The following AMBRA1 variants were observed in gnomAD, a reference collection of about 807,000 sequenced individuals.
The protein encoded by AMBRA1 is autophagy and beclin 1 regulator 1, also known as activating molecule in BECN1-regulated autophagy protein 1.
Under a neutral mutation model 125.4 loss-of-function variants are expected in AMBRA1, and 47 were observed. The ratio of observed to expected loss-of-function variants is 0.37; its 90% CI spans 0.30 to 0.48. The LOEUF (loss-of-function observed/expected upper bound fraction) is 0.48, where lower values mean the gene tolerates loss of function less well. Among genes scored for constraint, AMBRA1 ranks in the 20% least tolerant of loss-of-function variants. The probability of loss-of-function intolerance (pLI) is 0.99; values close to 1 mark genes in which losing one functional copy is unlikely to be tolerated. For missense variants in AMBRA1, 1,331 were observed against 1,693.4 expected (o/e 0.79, Z 3.76); for synonymous variants, 626 against 655.5 (o/e 0.95, Z 0.69).
At chr11:46,433,067 C>A (rs571880740) in intron 14 of AMBRA1, among the ~76,000 whole-genome samples, 22 of 152,200 alleles carry the variant, frequency 1.4e-4, no homozygotes, top group Admixed American at 4.6e-4. Flanking sequence ...TAATTATAAC[C>A]CACAGAAAAA....
intron 1 of AMBRA1, 82 bp downstream of exon 1, chr11:46,593,746 C>A (rs899332465): frequency 2.6e-5 from 10 of 387,510 alleles, no homozygotes; most frequent in Non-Finnish European, 4.6e-5. Flanking sequence ...GGCCAGCCTG[C>A]CCACCCGCCG....
At chr11:46,454,461 T>C (rs1381692001) in intron 11 of AMBRA1, among the ~76,000 whole-genome samples, 11 of 149,230 alleles carry the variant, frequency 7.4e-5, no homozygotes, top group Non-Finnish European at 1.6e-4. Context: ...ATTGGCCAGG[T>C]GCGGTGGCTC....
chr11:46,470,353 C>T (rs2136876902), intron 11 of AMBRA1, among the ~76,000 whole-genome samples: 1 of 152,204 alleles, frequency 6.6e-6, no homozygotes, highest in East Asian at 1.9e-4. Context: ...CTTTGGGAGT[C>T]CGAGACGGGC....
At chr11:46,499,075 T>C (rs918460779) in intron 9 of AMBRA1, among the ~76,000 whole-genome samples, 1 of 152,198 alleles carries the variant, frequency 6.6e-6, no homozygotes, top group Non-Finnish European at 1.5e-5. Context: ...TCATAGGGAA[T>C]AGCTAATAGC....
intron 11 of AMBRA1, among the ~76,000 whole-genome samples, chr11:46,466,181 T>G (rs1332304931): frequency 2.0e-5 from 3 of 152,140 alleles, no homozygotes; most frequent in South Asian, 4.1e-4. Flanking sequence ...AGGACTTCCA[T>G]CAAAAGCATT....
intron 6 of AMBRA1, 118 bp downstream of exon 6, chr11:46,543,857 G>T: frequency 1.2e-6 from 1 of 854,382 alleles, no homozygotes; most frequent in Non-Finnish European, 1.9e-6. Flanking sequence ...TTTAAATCTT[G>T]ACTGGAAAGA....
At position 46,396,874 on chromosome 11, in the gene AMBRA1, T is replaced by A. The variant is rs117100314; in HGVS notation, c.*576A>T. The A allele has an allele frequency of 0.014, 2,198 of 152,620 alleles. 18 individuals carry two copies. The highest frequency in any genetic ancestry group is 0.023 in the Non-Finnish European group (1,595 of 68,156). 9.5% of individuals were successfully genotyped at this position (152,620 alleles called of 1,614,324 possible). A position where few individuals can be genotyped will look rare whatever the true frequency, so the allele number is the denominator to read the frequency against. The stretch of plus-strand genomic sequence containing the variant: ...CAGGCGCCCCCTTACCCCACAGTAG[T>A]CCCCCATTAGTAAATGCCGAAGTCC... On this transcript the variant is annotated 3_prime_UTR_variant, in exon 18 of 18. Transcript: ENST00000683756.
At chr11:46,522,836 G>A (rs1000271967) in intron 7 of AMBRA1, among the ~76,000 whole-genome samples, 27 of 152,136 alleles carry the variant, frequency 1.8e-4, no homozygotes, top group African/African-American at 6.0e-4. Flanking sequence ...TTTCTGACCT[G>A]AAACTTTAAA....
At chr11:46,453,174 G>C (rs1038174266) in intron 11 of AMBRA1, among the ~76,000 whole-genome samples, 1 of 152,076 alleles carries the variant, frequency 6.6e-6, no homozygotes, top group East Asian at 1.9e-4. Context: ...GAAATCATAT[G>C]GTAGGTGGCC....
intron 1 of AMBRA1, among the ~76,000 whole-genome samples, chr11:46,585,641 G>C (rs1415437042): frequency 1.2e-5 from 1 of 85,490 alleles, no homozygotes; most frequent in Non-Finnish European, 2.1e-5. Flanking sequence ...ACTCCAGCCT[G>C]GGTGACAGAG....
rs1023781989 is a variant in AMBRA1 at position 46,428,874 on chromosome 11, T to C, written c.2976+4600A>G. 7.4e-6 allele frequency: 12 copies of C among 1,611,852 alleles called. No homozygotes were observed. In the East Asian group the frequency reaches 1.3e-4, roughly 18 times the overall value. ...GTCTCTGGACGGCTACGGCGTAGGA[T>C]GGCAGGCACAATCTCTGGGGGCAGA... is the stretch of plus-strand genomic sequence containing the variant. On this transcript the variant is annotated intron_variant, in intron 14 of 17. Coordinates refer to ENST00000683756, the MANE Select transcript of AMBRA1 (RefSeq NM_001387011.1).
intron 1 of AMBRA1, among the ~76,000 whole-genome samples, chr11:46,573,025 T>C (rs2043820055): frequency 6.8e-6 from 1 of 148,078 alleles, no homozygotes; most frequent in East Asian, 2.0e-4. Flanking sequence ...CGCTTGAACC[T>C]GGGAGGTGGA....
chr11:46,503,245 G>T (rs1424705285), intron 9 of AMBRA1, among the ~76,000 whole-genome samples: 2 of 151,986 alleles, frequency 1.3e-5, no homozygotes, highest in Non-Finnish European at 2.9e-5. Context: ...TGAACATACA[G>T]AGGTCACTAT....
Position 46,545,894 on chromosome 11 carries a change from A to T in AMBRA1, c.379-118T>A, listed in dbSNP as rs575347260. 32 of 867,394 alleles carry T rather than the reference A, an allele frequency of 3.7e-5. No individual in the cohort carries two copies. In the African/African-American group the frequency reaches 5.2e-4, roughly 14 times the overall value. The allele number at this position is 867,394 out of a possible 1,614,324, so 53.7% of individuals were successfully genotyped here. On this transcript the variant is annotated intron_variant, in intron 4 of 17. Coordinates refer to ENST00000683756, the MANE Select transcript of AMBRA1 (RefSeq NM_001387011.1). Reference sequence around the variant, plus strand: ...ACTATGTCTAGGGACTACTTTAAATACATCCTCTGTAAAAAGATGTAGAAG... The same window carrying T: ...ACTATGTCTAGGGACTACTTTAAATTCATCCTCTGTAAAAAGATGTAGAAG...
In AMBRA1 at chr11:46,541,941, T is replaced by TA. The variant is rs1952764426; in HGVS notation, c.2072+3_2072+4insT. ...ATGCAGAAGATAGGAAAGCGACTGC[T>TA]TACCTCCTGAGTGAATCCTCCTCAG... On this transcript the variant is annotated splice_donor_region_variant and intron_variant, in intron 7 of 17. Coordinates refer to ENST00000683756, the MANE Select transcript of AMBRA1 (RefSeq NM_001387011.1). The TA allele has an allele frequency of 3.1e-6, 5 of 1,603,194 alleles. No homozygotes were observed. The highest frequency in any genetic ancestry group is 4.2e-6 in the Non-Finnish European group (5 of 1,177,448).
intron 11 of AMBRA1, among the ~76,000 whole-genome samples, chr11:46,458,957 G>T (rs1948972041): frequency 6.6e-6 from 1 of 152,184 alleles, no homozygotes; most frequent in Admixed American, 6.5e-5. Flanking sequence ...ATAATTTAAA[G>T]GAGTTTTTAG....
At chr11:46,549,885 C>A (rs769553273) in intron 1 of AMBRA1, among the ~76,000 whole-genome samples, 1 of 152,162 alleles carries the variant, frequency 6.6e-6, no homozygotes, top group Admixed American at 6.6e-5. Context: ...ACAGCGCAAT[C>A]TCGGCTCACT....
intron 17 of AMBRA1, among the ~76,000 whole-genome samples, chr11:46,398,883 C>A (rs1220066932): frequency 6.6e-6 from 1 of 151,808 alleles, no homozygotes; most frequent in African/African-American, 2.4e-5. Context: ...AAGCAATTAT[C>A]CTGCCTCAGC....
At chr11:46,413,499 T>C (rs1263919056) in intron 15 of AMBRA1, among the ~76,000 whole-genome samples, 8 of 152,174 alleles carry the variant, frequency 5.3e-5, no homozygotes, top group Non-Finnish European at 1.2e-4. Context: ...TCTTTCTCTA[T>C]TTTTTTCTGA....
Sources: gnomAD v4.1 joint callset for allele counts (sites outside exome capture counted in the v4.1 genomes callset) on GRCh38, gnomAD v4.1.1 for gene constraint, MANE v1.5 for transcripts, NCBI Gene and HGNC (gene_info 2026-07-23, HGNC 2026-07-21) for gene names.